HYDIN: variants seen among roughly 807,000 people sequenced by gnomAD.
HYDIN encodes the protein axonemal central pair apparatus protein HYDIN.
Under a neutral mutation model 403.9 loss-of-function variants are expected in HYDIN, and 132 were observed. The observed-to-expected ratio is 0.33, with a 90% CI of 0.28 to 0.38. The LOEUF is 0.38. HYDIN is among the 10% of genes least tolerant of loss of function. The pLI is 1.00. For missense variants in HYDIN, 2,827 were observed against 5,009.5 expected (o/e 0.56, Z 13.15); for synonymous variants, 1,202 against 1,891.7 (o/e 0.64, Z 9.46).
intron 62 of HYDIN, among the ~76,000 whole-genome samples, chr16:70,877,117 T>C (rs539806862): frequency 6.6e-6 from 1 of 150,400 alleles, no homozygotes; most frequent in South Asian, 2.1e-4. Context: ...GGAGAGTTAA[T>C]AAACTGAAGA....
At chr16:71,141,725 A>G (rs1193644582) in intron 7 of HYDIN, among the ~76,000 whole-genome samples, 2 of 152,156 alleles carry the variant, frequency 1.3e-5, no homozygotes, top group Non-Finnish European at 2.9e-5. Flanking sequence ...ATGAAAGTAT[A>G]AATTGCCACA....
At chr16:71,230,453 G>A (rs897636178) in intron 1 of HYDIN, 109 bp downstream of exon 1, 3 of 1,329,104 alleles carry the variant, frequency 2.3e-6, no homozygotes, top group Non-Finnish European at 3.0e-6. Flanking sequence ...GGAAAGTCTG[G>A]AGAACGCCTG....
At chr16:70,897,707 A>C (rs1204365504) in intron 53 of HYDIN, among the ~76,000 whole-genome samples, 1 of 151,724 alleles carries the variant, frequency 6.6e-6, no homozygotes, top group Non-Finnish European at 1.5e-5. Context: ...AAGTTCACCA[A>C]AGGCTTTCAA....
rs1359446194 is a variant in HYDIN, at chr16:71,151,637, G to A, written c.841+1022C>T. Among the ~76,000 whole-genome samples, 9 of 151,664 alleles carry A rather than the reference G, an allele frequency of 5.9e-5. No homozygotes were observed. In the South Asian group the frequency reaches 6.3e-4, roughly 11 times the overall value. ...TAGCTTACTCTTTCCCCGGCTGTGC[G>A]CCTCTGTTTTCTCCCTACAACGCCC... On this transcript the variant is annotated intron_variant, in intron 7 of 85. Transcript: ENST00000393567.
chr16:71,180,740 A>G (rs141319857), intron 3 of HYDIN, among the ~76,000 whole-genome samples: 123 of 152,264 alleles, frequency 8.1e-4, no homozygotes, highest in African/African-American at 2.7e-3. Context: ...AATACTAGAA[A>G]TCAAACAAGA....
intron 11 of HYDIN, among the ~76,000 whole-genome samples, chr16:71,093,211 GC>G (rs1402598489): frequency 2.0e-5 from 3 of 152,192 alleles, no homozygotes; most frequent in Non-Finnish European, 2.9e-5. Context: ...TAAAAAATGT[GC>G]CCTAGATACA....
chr16:70,812,230 C>T (rs2035551473), intron 84 of HYDIN, among the ~76,000 whole-genome samples: 2 of 130,100 alleles, frequency 1.5e-5, no homozygotes, highest in South Asian at 5.6e-4. Flanking sequence ...TGGCTCACGC[C>T]TGTAATCCCA....
chr16:70,850,706 A>C (rs2143579384), intron 73 of HYDIN, 51 bp from the exon 74 acceptor site: 1 of 1,283,820 alleles, frequency 7.8e-7, no homozygotes, highest in South Asian at 1.4e-5. Context: ...ACTTGTCAAA[A>C]CCTTAAAAAA....
chr16:71,067,663 G>C (rs1485992022), intron 14 of HYDIN, among the ~76,000 whole-genome samples: 2 of 151,926 alleles, frequency 1.3e-5, no homozygotes, highest in African/African-American at 2.4e-5. Flanking sequence ...CCTGCATAAG[G>C]GGAAAAATGA....
At chr16:70,860,924 A>T (rs779729406) in intron 69 of HYDIN, 23 bp from the exon 70 acceptor site, 2 of 656,640 alleles carry the variant, frequency 3.0e-6, no homozygotes, top group South Asian at 3.7e-5. Context: ...GGTTATTTTT[A>T]TTTGTTTTAT....
At chr16:70,912,629 G>A (rs2143790570) in intron 47 of HYDIN, among the ~76,000 whole-genome samples, 1 of 152,116 alleles carries the variant, frequency 6.6e-6, no homozygotes. Context: ...TGGAATTAGG[G>A]TGATGCTGGC....
At chr16:71,043,966 G>C (rs2081371338) in intron 18 of HYDIN, among the ~76,000 whole-genome samples, 1 of 151,868 alleles carries the variant, frequency 6.6e-6, no homozygotes, top group African/African-American at 2.4e-5. Context: ...GAGAGGGAGA[G>C]GGAGAGGTGG....
intron 38 of HYDIN, 33 bp from the exon 39 acceptor site, chr16:70,959,853 T>C: frequency 1.7e-6 from 1 of 586,372 alleles, no homozygotes; most frequent in Non-Finnish European, 3.0e-6. Flanking sequence ...TGTGCACACA[T>C]GGCATGCATG....
At chr16:70,921,300 T>C in intron 45 of HYDIN, 83 bp from the exon 46 acceptor site, 2 of 1,517,276 alleles carry the variant, frequency 1.3e-6, no homozygotes, top group South Asian at 1.3e-5. Context: ...AAAGGACATT[T>C]TGTCTCATGA....
intron 18 of HYDIN, among the ~76,000 whole-genome samples, chr16:71,037,727 A>G (rs139301323): frequency 0.011 from 1,712 of 152,324 alleles, 26 homozygotes; most frequent in African/African-American, 0.039. Context: ...CTGTCATTCA[A>G]CTGCAAGGAA....
chr16:70,835,145 C>T (rs1260845277), intron 78 of HYDIN, among the ~76,000 whole-genome samples: 14 of 151,376 alleles, frequency 9.2e-5, no homozygotes, highest in East Asian at 3.9e-4. Context: ...TACAGGCACC[C>T]GCCACCATGC....
At chr16:71,185,754 C>T (rs2087118329) in intron 2 of HYDIN, among the ~76,000 whole-genome samples, 1 of 152,152 alleles carries the variant, frequency 6.6e-6, no homozygotes, top group Non-Finnish European at 1.5e-5. Flanking sequence ...AATGTTCCTA[C>T]TATATGTGCA....
intron 23 of HYDIN, among the ~76,000 whole-genome samples, chr16:71,009,273 A>G (rs1371637623): frequency 6.8e-6 from 1 of 147,268 alleles, no homozygotes; most frequent in Non-Finnish European, 1.5e-5. Context: ...CCGAGGGATG[A>G]TGGAAGAGAC....
At chr16:71,189,263 A>G (rs2144674790) in intron 1 of HYDIN, among the ~76,000 whole-genome samples, 1 of 152,334 alleles carries the variant, frequency 6.6e-6, no homozygotes, top group African/African-American at 2.4e-5. Flanking sequence ...GGTAGAGGAG[A>G]TAGGAATGAA....
Sources: gnomAD v4.1 joint callset for allele counts (sites outside exome capture counted in the v4.1 genomes callset) on GRCh38, gnomAD v4.1.1 for gene constraint, MANE v1.5 for transcripts, NCBI Gene and HGNC (gene_info 2026-07-23, HGNC 2026-07-21) for gene names.